The following LRRC4C variants were observed in gnomAD, a reference collection of about 807,000 sequenced individuals.
LRRC4C encodes leucine rich repeat containing 4C, also known as leucine-rich repeat-containing protein 4C.
LRRC4C carries 5 observed loss-of-function variants against 33.6 expected under a neutral mutation model. The ratio of observed to expected loss-of-function variants is 0.15; its 90% CI spans 0.08 to 0.31. LRRC4C has a LOEUF of 0.31. Ranked by LOEUF, LRRC4C falls within the 10% of genes least tolerant of loss-of-function variation. The pLI, the probability that LRRC4C is intolerant of heterozygous loss-of-function variation, is 1.00. For synonymous variants in LRRC4C, 329 were observed against 302.0 expected, an observed-to-expected ratio of 1.09 and a Z score of -0.93; for missense variants, 560 against 796.7, an observed-to-expected ratio of 0.70 and a Z score of 3.58.
At chr11:40,524,070 G>A (rs907655603) in intron 3 of LRRC4C, among the ~76,000 whole-genome samples, 12 of 152,110 alleles carry the variant, frequency 7.9e-5, no homozygotes, top group East Asian at 5.8e-4. Context: ...CTCAGAATCC[G>A]GATGGGAAAG....
At chr11:40,703,001 C>T (rs1945950627) in intron 2 of LRRC4C, among the ~76,000 whole-genome samples, 1 of 151,938 alleles carries the variant, frequency 6.6e-6, no homozygotes, top group East Asian at 1.9e-4. Flanking sequence ...TTTCAGAGAA[C>T]ATATTAGCTT....
chr11:40,597,311 G>T (rs958949435), intron 3 of LRRC4C, among the ~76,000 whole-genome samples: 1 of 152,082 alleles, frequency 6.6e-6, no homozygotes, highest in African/African-American at 2.4e-5. Flanking sequence ...ACTAATCCAA[G>T]ATCTCATGGT....
intron 2 of LRRC4C, among the ~76,000 whole-genome samples, chr11:40,811,671 A>T (rs973467153): frequency 3.9e-5 from 6 of 151,906 alleles, no homozygotes; most frequent in South Asian, 4.2e-4. Context: ...CTAATTTTTT[A>T]TATTTTAGTA....
intron 4 of LRRC4C, among the ~76,000 whole-genome samples, chr11:40,270,643 C>A (rs1418773107): frequency 6.6e-6 from 1 of 152,024 alleles, no homozygotes; most frequent in South Asian, 2.1e-4. Flanking sequence ...AACCTCTATT[C>A]TTTCAACCAA....
At chr11:41,369,346 G>C (rs1016929614) in intron 1 of LRRC4C, among the ~76,000 whole-genome samples, 1 of 152,064 alleles carries the variant, frequency 6.6e-6, no homozygotes, top group Non-Finnish European at 1.5e-5. Context: ...AGTTGATTTA[G>C]AAAGATGAAT....
intron 5 of LRRC4C, among the ~76,000 whole-genome samples, chr11:40,179,041 G>A (rs1195959426): frequency 6.8e-6 from 1 of 146,428 alleles, no homozygotes; most frequent in African/African-American, 2.5e-5. Flanking sequence ...GTCTTGCTCA[G>A]TTGTACAGGC....
chr11:40,138,186 G>A (rs78330894), intron 6 of LRRC4C, among the ~76,000 whole-genome samples: 1 of 147,224 alleles, frequency 6.8e-6, no homozygotes, highest in African/African-American at 2.5e-5. Flanking sequence ...TTTTTTTTTA[G>A]AGATGGAGTC....
At chr11:40,217,125 AT>A (rs1259410815) in intron 5 of LRRC4C, among the ~76,000 whole-genome samples, 1 of 152,122 alleles carries the variant, frequency 6.6e-6, no homozygotes, top group Non-Finnish European at 1.5e-5. Flanking sequence ...GGAATTAACA[AT>A]TTTTTTATCT....
chr11:41,088,357 A>C (rs190719258), intron 1 of LRRC4C, among the ~76,000 whole-genome samples: 5 of 152,210 alleles, frequency 3.3e-5, no homozygotes, highest in Admixed American at 2.0e-4. Flanking sequence ...TTTTAAGAAA[A>C]TATTAAAGGA....
chr11:40,359,103 T>C (rs751432431), intron 3 of LRRC4C, among the ~76,000 whole-genome samples: 15 of 152,198 alleles, frequency 9.9e-5, no homozygotes, highest in Admixed American at 3.9e-4. Flanking sequence ...TTCTCCCTTA[T>C]GTAATGTGTC....
At position 41,253,239 on chromosome 11, in the gene LRRC4C, A is replaced by G. The variant is rs571067145; in HGVS notation, c.-496+206192T>C. Among the ~76,000 whole-genome samples, 65 of 152,240 alleles carry G rather than the reference A, an allele frequency of 4.3e-4. 1 individual carries two copies. Among genetic ancestry groups the G allele is most frequent in the Non-Finnish European group, 7.8e-4 (53 of 67,994 alleles). ...ATCAGATTACTGGATGGGTCTGTAC[A>G]TTATAATCATCAAAATGAGTAAACA... On this transcript the variant is annotated intron_variant, in intron 1 of 6. Transcript: ENST00000528697.
chr11:40,903,411 A>G (rs1956291043), intron 2 of LRRC4C, among the ~76,000 whole-genome samples: 1 of 152,244 alleles, frequency 6.6e-6, no homozygotes, highest in South Asian at 2.1e-4. Flanking sequence ...ACCTGCTAAC[A>G]CATCATCCAT....
intron 1 of LRRC4C, among the ~76,000 whole-genome samples, chr11:41,445,317 C>T (rs1358883296): frequency 6.6e-6 from 1 of 152,166 alleles, no homozygotes; most frequent in Non-Finnish European, 1.5e-5. Flanking sequence ...GCTTATTTCT[C>T]TCGCATTTTA....
chr11:40,235,019 T>TA (rs1211170554), intron 5 of LRRC4C, among the ~76,000 whole-genome samples: 17 of 152,344 alleles, frequency 1.1e-4, no homozygotes, highest in African/African-American at 4.1e-4. Context: ...TCCACTGCTT[T>TA]ATCTCTGTTT....
chr11:41,451,853 G>A (rs1956036204), intron 1 of LRRC4C, among the ~76,000 whole-genome samples: 1 of 152,056 alleles, frequency 6.6e-6, no homozygotes, highest in African/African-American at 2.4e-5. Context: ...TATAAACATG[G>A]CTTTCCTTTT....
In LRRC4C at chr11:41,296,192, T is replaced by C. The variant is rs904635746; in HGVS notation, c.-496+163239A>G. Among the ~76,000 whole-genome samples the C allele has an allele frequency of 5.3e-5, 8 of 152,330 alleles. No homozygotes were observed. The East Asian group carries it at 1.5e-3, about 29-fold the overall frequency. ...TCAGTGCTCAGAAACCAATATTGCA[T>C]TGCAGAACAGTGTACTTCCGATAGG... On this transcript the variant is annotated intron_variant, in intron 1 of 6. Coordinates refer to ENST00000528697, the MANE Select transcript of LRRC4C (RefSeq NM_001258419.2).
chr11:41,390,330 G>A (rs902706702), intron 1 of LRRC4C, among the ~76,000 whole-genome samples: 1 of 151,896 alleles, frequency 6.6e-6, no homozygotes, highest in Non-Finnish European at 1.5e-5. Context: ...GGCTGGCTCA[G>A]GGTTTTGGTG....
chr11:41,084,681 T>C (rs1419300497), intron 1 of LRRC4C, among the ~76,000 whole-genome samples: 1 of 152,098 alleles, frequency 6.6e-6, no homozygotes, highest in East Asian at 1.9e-4. Flanking sequence ...AAACCCCATC[T>C]CTGCTAAAAA....
chr11:41,455,881 T>A (rs1020764636), intron 1 of LRRC4C, among the ~76,000 whole-genome samples: 1 of 152,142 alleles, frequency 6.6e-6, no homozygotes, highest in South Asian at 2.1e-4. Context: ...TGATTCTCAA[T>A]CCAGAGGGTT....
Sources: allele counts gnomAD v4.1 joint callset (sites outside exome capture counted in the v4.1 genomes callset), GRCh38; gene constraint gnomAD v4.1.1; transcripts MANE v1.5; gene names NCBI Gene and HGNC (gene_info 2026-07-23, HGNC 2026-07-21).